The following FAM117B variants were observed in gnomAD, a reference collection of about 807,000 sequenced individuals.
The protein encoded by FAM117B is family with sequence similarity 117 member B.
In FAM117B, 22 loss-of-function variants were observed where a neutral mutation model predicts 52.8. The observed-to-expected ratio is 0.42, with a 90% CI of 0.30 to 0.59. FAM117B has a LOEUF of 0.59. Ranked by LOEUF, FAM117B falls within the 20% of genes least tolerant of loss-of-function variation. The pLI is 0.22. For missense variants in FAM117B, 678 were observed against 802.6 expected, an observed-to-expected ratio of 0.84 and a Z score of 1.88; for synonymous variants, 309 against 324.1, an observed-to-expected ratio of 0.95 and a Z score of 0.50.
Position 202,644,076 on chromosome 2 carries a change from T to C in FAM117B, c.601+8288T>C, listed in dbSNP as rs544410819. Reference sequence around the variant, plus strand: ...CTGTTTTTTTTTTGTTTTTTTTTTTTTTTTTTTTCAGTTTTATGTATTATG... The same window carrying C: ...CTGTTTTTTTTTTGTTTTTTTTTTTCTTTTTTTTCAGTTTTATGTATTATG... On this transcript the variant is annotated intron_variant, in intron 1 of 7. Transcript: ENST00000392238. Among the ~76,000 whole-genome samples, 8 of 146,994 alleles carry C rather than the reference T, an allele frequency of 5.4e-5. No individual in the cohort carries two copies. In the South Asian group the frequency reaches 8.6e-4, roughly 16 times the overall value.
intron 2 of FAM117B, among the ~76,000 whole-genome samples, chr2:202,702,802 C>T (rs1690815523): frequency 6.6e-6 from 1 of 152,170 alleles, no homozygotes; most frequent in Non-Finnish European, 1.5e-5. Flanking sequence ...ATCCATCTGC[C>T]TCGGCCTCCC....
At chr2:202,672,386 T>C (rs1690311744) in intron 1 of FAM117B, among the ~76,000 whole-genome samples, 1 of 152,186 alleles carries the variant, frequency 6.6e-6, no homozygotes, top group East Asian at 1.9e-4. Flanking sequence ...CTAATTTTTG[T>C]ATTTTTAGTA....
chr2:202,700,276 CAGCT>C (rs201485390), intron 2 of FAM117B, among the ~76,000 whole-genome samples: 3,469 of 152,284 alleles, frequency 0.023, 154 homozygotes, highest in African/African-American at 0.08. Flanking sequence ...TTGTACCAAA[CAGCT>C]AGCCAAGTTG....
chr2:202,635,677 G>A lies in FAM117B; in HGVS notation c.490G>A (p.Glu164Lys). Reference protein sequence around the residue: ...SSSPTHLWTGEVSAAPPPARV... With the variant: ...SSSPTHLWTGKVSAAPPPARV... Reference sequence around the variant, plus strand: ...GTCGCCCACCCACCTGTGGACCGGCGAGGTGAGCGCGGCCCCACCCCCAGC... The same window carrying A: ...GTCGCCCACCCACCTGTGGACCGGCAAGGTGAGCGCGGCCCCACCCCCAGC... Residue 164 changes from glutamate (E) to lysine (K), a missense_variant, in exon 1 of 8, where the codon GAG (glutamate) becomes AAG (lysine). Coordinates refer to ENST00000392238, the MANE Select transcript of FAM117B (RefSeq NM_173511.4). 1.4e-6 allele frequency: 2 copies of A among 1,400,182 alleles called. No homozygotes were observed. Among genetic ancestry groups the A allele is most frequent in the Non-Finnish European group, 9.3e-7 (1 of 1,077,878 alleles). 86.7% of individuals were successfully genotyped at this position (1,400,182 alleles called of 1,614,324 possible).
At chr2:202,743,982 A>G (rs1691590231) in intron 4 of FAM117B, among the ~76,000 whole-genome samples, 2 of 152,334 alleles carry the variant, frequency 1.3e-5, no homozygotes, top group Admixed American at 1.3e-4. Flanking sequence ...AAACTCCCTC[A>G]GTCTTACAAG....
At chr2:202,763,884 G>C in intron 7 of FAM117B, among the ~76,000 whole-genome samples, 1 of 152,114 alleles carries the variant, frequency 6.6e-6, no homozygotes, top group East Asian at 1.9e-4. Flanking sequence ...TCAAAACCCA[G>C]CTCAGAGGGT....
intron 6 of FAM117B, among the ~76,000 whole-genome samples, chr2:202,758,249 C>T (rs903546168): frequency 1.3e-5 from 2 of 152,110 alleles, no homozygotes; most frequent in Non-Finnish European, 2.9e-5. Context: ...CTGTGACAAG[C>T]GCAGAAGACA....
rs1171222856 is a variant in FAM117B, at chr2:202,683,081, A to G, written c.602-12800A>G. Among the ~76,000 whole-genome samples the G allele has an allele frequency of 2.6e-5, 4 of 152,200 alleles. No individual in the cohort carries two copies. In the East Asian group the frequency reaches 7.7e-4, roughly 29 times the overall value. On this transcript the variant is annotated intron_variant, in intron 1 of 7. Coordinates refer to ENST00000392238, the MANE Select transcript of FAM117B (RefSeq NM_173511.4). ...AGTGGCTCATGCCTATAATCCTAGC[A>G]CTTTGGGAGGCCGAGGCGGGCAGAT...
At chr2:202,699,938 T>C (rs765981854) in intron 2 of FAM117B, among the ~76,000 whole-genome samples, 1 of 152,196 alleles carries the variant, frequency 6.6e-6, no homozygotes, top group African/African-American at 2.4e-5. Flanking sequence ...GTATCTGTTA[T>C]GGTGATCTGT....
chr2:202,706,493 G>A (rs182547197), intron 2 of FAM117B, among the ~76,000 whole-genome samples: 1 of 152,290 alleles, frequency 6.6e-6, no homozygotes, highest in Admixed American at 6.5e-5. Context: ...AACTTTGTAA[G>A]ATGTCCTGTG....
Position 202,635,781 on chromosome 2 carries a change from C to G in FAM117B, c.594C>G (p.Cys198Trp). The G allele has an allele frequency of 6.9e-7, 1 of 1,451,992 alleles. No individual in the cohort carries two copies. 89.9% of individuals were successfully genotyped at this position (1,451,992 alleles called of 1,614,324 possible). A position where few individuals can be genotyped will look rare whatever the true frequency, so the allele number is the denominator to read the frequency against. Residue 198 changes from cysteine to tryptophan, a missense_variant, in exon 1 of 8, where the codon TGC becomes TGG. By Grantham distance (215) the Cys-to-Trp change is radical. Around this residue, in one of 3 missense-constraint regions of FAM117B, gnomAD observed 583 missense variants for 644.8 expected, o/e 0.90. Transcript: ENST00000392238. ...PEKRSPSAPV[C>W]KAGDKTRQPS... The stretch of plus-strand genomic sequence containing the variant: ...AGAGGAGCCCCAGCGCCCCGGTTTG[C>G]AAAGCAGGTAAGTGCTGGGGGTCGC...
At chr2:202,694,487 G>A (rs1053330968) in intron 1 of FAM117B, among the ~76,000 whole-genome samples, 1 of 151,668 alleles carries the variant, frequency 6.6e-6, no homozygotes, top group Non-Finnish European at 1.5e-5. Flanking sequence ...CACCACGCCT[G>A]GCCAAAACCA....
chr2:202,672,099 T>C (rs778693898), intron 1 of FAM117B, among the ~76,000 whole-genome samples: 1 of 152,224 alleles, frequency 6.6e-6, no homozygotes, highest in Non-Finnish European at 1.5e-5. Context: ...TTGACCCATT[T>C]GACCCTGAAG....
chr2:202,724,333 G>A (rs145769951), intron 2 of FAM117B, among the ~76,000 whole-genome samples: 28 of 152,140 alleles, frequency 1.8e-4, no homozygotes, highest in African/African-American at 6.0e-4. Flanking sequence ...GTGAGCCACC[G>A]CGCCCAGCCA....
chr2:202,737,333 G>T (rs560894513), intron 4 of FAM117B, among the ~76,000 whole-genome samples: 1 of 151,960 alleles, frequency 6.6e-6, no homozygotes, highest in Admixed American at 6.5e-5. Flanking sequence ...ATTTTTGATT[G>T]TACAATTTAT....
At chr2:202,728,037 A>C (rs1691278356) in intron 4 of FAM117B, among the ~76,000 whole-genome samples, 1 of 146,040 alleles carries the variant, frequency 6.8e-6, no homozygotes, top group African/African-American at 2.8e-5. Context: ...GGAGTGCAGC[A>C]GGGTGATCAC....
chr2:202,666,149 A>G (rs1317508886), intron 1 of FAM117B, among the ~76,000 whole-genome samples: 1 of 152,200 alleles, frequency 6.6e-6, no homozygotes, highest in Non-Finnish European at 1.5e-5. Context: ...GTTACAAAGC[A>G]AACCTTTTGA....
chr2:202,695,805 A>G (rs990418209), intron 1 of FAM117B, 76 bp from the exon 2 acceptor site: 28 of 1,450,844 alleles, frequency 1.9e-5, no homozygotes, highest in Non-Finnish European at 2.6e-5. Flanking sequence ...AGAACTTTCT[A>G]CATAGTTTAA....
chr2:202,649,081 G>T (rs917857284), intron 1 of FAM117B, among the ~76,000 whole-genome samples: 2 of 152,112 alleles, frequency 1.3e-5, no homozygotes, highest in African/African-American at 4.8e-5. Flanking sequence ...AATTTTTTGG[G>T]TCAGAAGGGC....
Sources: gnomAD v4.1 joint callset for allele counts (sites outside exome capture counted in the v4.1 genomes callset) on GRCh38, gnomAD v4.1.1 for gene constraint, gnomAD v4.1.1 regional missense constraint, MANE v1.5 for transcripts, NCBI Gene and HGNC (gene_info 2026-07-23, HGNC 2026-07-21) for gene names.